The following SPECC1 variants were observed in gnomAD, a reference collection of about 807,000 sequenced individuals.
SPECC1 encodes sperm antigen with calponin homology and coiled-coil domains 1, also known as cytospin-B.
SPECC1 carries 62 observed loss-of-function variants against 104.1 expected under a neutral mutation model. That is an observed-to-expected ratio of 0.60 (90% CI 0.49 to 0.74). The LOEUF (loss-of-function observed/expected upper bound fraction) is 0.74, where lower values mean the gene tolerates loss of function less well. Ranked by LOEUF, SPECC1 falls within the 30% of genes least tolerant of loss-of-function variation. The pLI, the probability that SPECC1 is intolerant of heterozygous loss-of-function variation, is 0.00. For synonymous variants in SPECC1, 513 were observed against 501.6 expected (o/e 1.02, Z -0.30); for missense variants, 1,306 against 1,310.5 (o/e 1.00, Z 0.05).
At chr17:20,278,557 G>A (rs2040650257) in intron 12 of SPECC1, among the ~76,000 whole-genome samples, 1 of 152,180 alleles carries the variant, frequency 6.6e-6, no homozygotes. Context: ...AAAGGTTCTT[G>A]GCTGGGCACA....
chr17:20,313,838 G>A, intron 14 of SPECC1, 138 bp from the exon 15 acceptor site: 5 of 729,130 alleles, frequency 6.9e-6, no homozygotes, highest in Non-Finnish European at 1.2e-5. Flanking sequence ...AGCACCACCT[G>A]TGCTGGCCTT....
At chr17:20,192,727 T>C (rs1278519780) in intron 3 of SPECC1, among the ~76,000 whole-genome samples, 2 of 152,190 alleles carry the variant, frequency 1.3e-5, no homozygotes, top group Non-Finnish European at 2.9e-5. Context: ...TTCTAGAAAA[T>C]AGTCTTGCAT....
intron 1 of SPECC1, among the ~76,000 whole-genome samples, chr17:20,069,477 A>T (rs2046471004): frequency 6.6e-6 from 1 of 152,218 alleles, no homozygotes; most frequent in Non-Finnish European, 1.5e-5. Flanking sequence ...CAAGAATTAC[A>T]AAGTTTTAGC....
chr17:20,105,914 C>A (rs2048178776), intron 2 of SPECC1, among the ~76,000 whole-genome samples: 1 of 152,180 alleles, frequency 6.6e-6, no homozygotes, highest in Non-Finnish European at 1.5e-5. Flanking sequence ...GGTTTCACTT[C>A]TGTTCCCAGT....
In SPECC1 at chr17:20,245,964, C is replaced by T. The variant is rs2039403742; in HGVS notation, c.2390C>T (p.Ala797Val). 6.2e-7 allele frequency: 1 copy of T among 1,614,174 alleles called. No individual in the cohort carries two copies. The highest frequency in any genetic ancestry group is 8.5e-7 in the Non-Finnish European group (1 of 1,180,030). ...GAGCCAGAGTCCTCTGAGGTCGATG[C>T]TGCTGGTCGGTGGCCTGGTGTCTGT... The part of the protein sequence containing the change: ...DEEPESSEVD[A>V]AGRWPGVCVS... The change falls in exon 8 of 15, where the codon GCT becomes GTT. Residue 797 changes from alanine (A) to valine (V), a missense_variant. Physicochemically the swap from Ala to Val is moderately conservative, Grantham distance 64. Coordinates refer to ENST00000395527, the MANE Select transcript of SPECC1 (RefSeq NM_001243439.2).
chr17:20,074,584 G>T, intron 1 of SPECC1, among the ~76,000 whole-genome samples: 1 of 152,140 alleles, frequency 6.6e-6, no homozygotes, highest in East Asian at 1.9e-4. Flanking sequence ...GGGAAATGTG[G>T]CTTCCACCCC....
At position 20,204,825 on chromosome 17, in the gene SPECC1, A is replaced by T. The variant is rs892221661; in HGVS notation, c.776A>T (p.His259Leu). 1 of 1,613,838 alleles carries T rather than the reference A, an allele frequency of 6.2e-7. No individual in the cohort carries two copies. ...VLKEKLIYLEHSPNSEGAASH... is the reference protein window; with the variant it reads ...VLKEKLIYLELSPNSEGAASH... ...AAGGAGAAACTGATCTATCTTGAGC[A>T]CTCCCCAAATTCAGAAGGGGCAGCA... is the stretch of plus-strand genomic sequence containing the variant. The change falls in exon 4 of 15, where the codon CAC becomes CTC. Residue 259 changes from histidine (H) to leucine (L), a missense_variant. By Grantham distance (99) the His-to-Leu change is moderately conservative. Transcript: ENST00000395527.
chr17:20,208,508 C>T (rs2036929159), intron 4 of SPECC1, among the ~76,000 whole-genome samples: 1 of 152,172 alleles, frequency 6.6e-6, no homozygotes, highest in African/African-American at 2.4e-5. Flanking sequence ...AATGATAATA[C>T]TTAAGAGACT....
intron 1 of SPECC1, among the ~76,000 whole-genome samples, chr17:20,087,208 A>T (rs2047211959): frequency 6.6e-6 from 1 of 152,196 alleles, no homozygotes; most frequent in South Asian, 2.1e-4. Context: ...AGTATTGTTT[A>T]CTATTTCTGT....
chr17:20,128,803 CA>C (rs1348747506), intron 3 of SPECC1, among the ~76,000 whole-genome samples: 1 of 151,686 alleles, frequency 6.6e-6, no homozygotes, highest in African/African-American at 2.4e-5. Flanking sequence ...TAATGATATT[CA>C]AATATAATTT....
intron 12 of SPECC1, among the ~76,000 whole-genome samples, chr17:20,294,571 T>C (rs963837100): frequency 6.6e-6 from 1 of 152,042 alleles, no homozygotes; most frequent in Admixed American, 6.6e-5. Flanking sequence ...GAGATGGTGA[T>C]GGTGGTAGTG....
At chr17:20,211,399 G>A (rs1015022743) in intron 4 of SPECC1, among the ~76,000 whole-genome samples, 3 of 152,232 alleles carry the variant, frequency 2.0e-5, no homozygotes, top group Non-Finnish European at 4.4e-5. Context: ...TGTGGAAGTC[G>A]AGGAGGCCTG....
rs756419478 is a variant in SPECC1 at position 20,232,421 on chromosome 17, A to G, written c.2351+16A>G. ...CCGCCCCTCCGTGAGTCTGGTGGGC[A>G]CCAGGGCCGTGCTTGCTTCTCAATC... On this transcript the variant is annotated intron_variant, in intron 7 of 14. Coordinates refer to ENST00000395527, the MANE Select transcript of SPECC1 (RefSeq NM_001243439.2). 1 of 1,592,578 alleles carries G rather than the reference A, an allele frequency of 6.3e-7. No homozygotes were observed. Among genetic ancestry groups the G allele is most frequent in the Non-Finnish European group, 8.6e-7 (1 of 1,169,566 alleles).
intron 1 of SPECC1, among the ~76,000 whole-genome samples, chr17:20,095,507 G>C (rs942314735): frequency 5.9e-5 from 9 of 152,192 alleles, no homozygotes; most frequent in Admixed American, 1.3e-4. Context: ...TCGGGAACTA[G>C]ATGGTCGGGA....
At chr17:20,136,819 T>A (rs940263812) in intron 3 of SPECC1, among the ~76,000 whole-genome samples, 1 of 152,244 alleles carries the variant, frequency 6.6e-6, no homozygotes, top group Non-Finnish European at 1.5e-5. Context: ...TGTTTTATGA[T>A]TTCTCAGTGG....
intron 1 of SPECC1, among the ~76,000 whole-genome samples, chr17:20,068,340 A>G (rs151166467): frequency 0.013 from 1,919 of 152,286 alleles, 21 homozygotes; most frequent in Non-Finnish European, 0.02. Flanking sequence ...ACTGATGGAT[A>G]ATATTTCACT....
At chr17:20,051,073 TTTCTTTCTTTCTTTC>T (rs1567813252) in intron 1 of SPECC1, among the ~76,000 whole-genome samples, 4 of 31,318 alleles carry the variant, frequency 1.3e-4, no homozygotes, top group Non-Finnish European at 3.0e-4. Flanking sequence ...TTTCTTTTTC[TTTCTTTCTTTCTTTC>T]TTTCTTTCTT....
In SPECC1 at chr17:20,313,967, C is replaced by T; in HGVS notation, c.3118-9C>T. Reference sequence around the variant, plus strand: ...CTTGTGATCTGTCCCCCATTCCCTTCCCCTGCAGGAACTCAGCGAGATGCT... The same window carrying T: ...CTTGTGATCTGTCCCCCATTCCCTTTCCCTGCAGGAACTCAGCGAGATGCT... On this transcript the variant is annotated splice_polypyrimidine_tract_variant and intron_variant, in intron 14 of 14. Coordinates refer to ENST00000395527, the MANE Select transcript of SPECC1 (RefSeq NM_001243439.2). The T allele has an allele frequency of 1.2e-6, 2 of 1,613,818 alleles. No individual in the cohort carries two copies. Among genetic ancestry groups the T allele is most frequent in the African/African-American group, 2.7e-5 (2 of 75,046 alleles).
chr17:20,171,370 AT>A (rs1303185263), intron 3 of SPECC1, among the ~76,000 whole-genome samples: 1 of 152,210 alleles, frequency 6.6e-6, no homozygotes, highest in Non-Finnish European at 1.5e-5. Context: ...AAGATTGCAA[AT>A]CAAGAGATAC....
Sources: gnomAD v4.1 joint callset for allele counts (sites outside exome capture counted in the v4.1 genomes callset) on GRCh38, gnomAD v4.1.1 for gene constraint, MANE v1.5 for transcripts, NCBI Gene and HGNC (gene_info 2026-07-23, HGNC 2026-07-21) for gene names.